The following LCMT1 variants were observed in gnomAD, a reference collection of about 807,000 sequenced individuals.
The protein encoded by LCMT1 is [Phosphatase 2A protein]-leucine-carboxy methyltransferase 1.
LCMT1 carries 32 observed loss-of-function variants against 47.7 expected under a neutral mutation model. That is an observed-to-expected ratio of 0.67 (90% CI 0.51 to 0.90). The LOEUF (loss-of-function observed/expected upper bound fraction) is 0.90, where lower values mean the gene tolerates loss of function less well. LCMT1 is among the 40% of genes least tolerant of loss of function. The pLI, the probability that LCMT1 is intolerant of heterozygous loss-of-function variation, is 0.00. For missense variants in LCMT1, 375 were observed against 415.2 expected (o/e 0.90, Z 0.84); for synonymous variants, 152 against 149.7 (o/e 1.02, Z -0.11).
At chr16:25,167,182 C>G (rs1961613717) in intron 7 of LCMT1, among the ~76,000 whole-genome samples, 1 of 152,182 alleles carries the variant, frequency 6.6e-6, no homozygotes, top group Non-Finnish European at 1.5e-5. Flanking sequence ...CTGCTCCCAC[C>G]CACCACCCTC....
At chr16:25,144,688 C>CA (rs1960796031) in intron 4 of LCMT1, 1 of 152,178 alleles carries the variant, frequency 6.6e-6, no homozygotes, top group Non-Finnish European at 1.5e-5. Flanking sequence ...GGTGGGGAGT[C>CA]ATAGCTTCTG....
intron 3 of LCMT1, among the ~76,000 whole-genome samples, chr16:25,139,854 G>A (rs1413940496): frequency 6.6e-6 from 1 of 152,034 alleles, no homozygotes; most frequent in Non-Finnish European, 1.5e-5. Context: ...TTGAAAATAC[G>A]GAGTATATTC....
At chr16:25,128,154 A>T (rs1188570959) in intron 1 of LCMT1, among the ~76,000 whole-genome samples, 3 of 152,204 alleles carry the variant, frequency 2.0e-5, no homozygotes, top group African/African-American at 4.8e-5. Context: ...GAGTGAATAA[A>T]TGGCTGCACA....
At position 25,132,515 on chromosome 16, in the gene LCMT1, A is replaced by G; in HGVS notation, c.319A>G (p.Arg107Gly). 6.2e-7 allele frequency: 1 copy of G among 1,613,616 alleles called. No individual in the cohort carries two copies. Among genetic ancestry groups the G allele is most frequent in the Non-Finnish European group, 8.5e-7 (1 of 1,179,710 alleles). Residue 107 changes from arginine to glycine, a missense_variant, in exon 3 of 11, where the codon AGA becomes GGA. Arg to Gly is a moderately radical substitution (Grantham distance 125). Coordinates refer to ENST00000399069, the MANE Select transcript of LCMT1 (RefSeq NM_016309.3). Reference protein sequence around the residue: ...LGAGMDTTFWRLKDEDLLPSK... With the variant: ...LGAGMDTTFWGLKDEDLLPSK... ...GGCAGGCATGGATACCACCTTCTGG[A>G]GATTAAAGGTATGTTCAAATTCCCC...
intron 7 of LCMT1, among the ~76,000 whole-genome samples, chr16:25,165,053 G>T (rs1961545472): frequency 6.6e-6 from 1 of 152,152 alleles, no homozygotes; most frequent in Admixed American, 6.6e-5. Context: ...TCAGGGACAG[G>T]CAGGTGGGGT....
chr16:25,139,207 G>A (rs1597578004), intron 3 of LCMT1, among the ~76,000 whole-genome samples: 1 of 152,130 alleles, frequency 6.6e-6, no homozygotes, highest in South Asian at 2.1e-4. Flanking sequence ...ACGGGTGCCC[G>A]GCTTCTTCAC....
At chr16:25,126,588 C>A (rs1449757316) in intron 1 of LCMT1, among the ~76,000 whole-genome samples, 1 of 152,168 alleles carries the variant, frequency 6.6e-6, no homozygotes, top group African/African-American at 2.4e-5. Context: ...ACCACTGTAC[C>A]CCCAGTGCCT....
chr16:25,154,489 CTT>C (rs748304475), intron 5 of LCMT1, among the ~76,000 whole-genome samples: 1,792 of 123,636 alleles, frequency 0.014, 23 homozygotes, highest in African/African-American at 0.052. Context: ...TGGATGTGTT[CTT>C]TTTTTTTTTT....
chr16:25,160,595 A>G (rs901329076), intron 5 of LCMT1, among the ~76,000 whole-genome samples: 1 of 152,254 alleles, frequency 6.6e-6, no homozygotes, highest in African/African-American at 2.4e-5. Context: ...ATAACTGGAC[A>G]GATGCTTCAT....
intron 1 of LCMT1, among the ~76,000 whole-genome samples, chr16:25,125,386 A>G (rs973265947): frequency 1.3e-5 from 2 of 152,242 alleles, no homozygotes; most frequent in Non-Finnish European, 2.9e-5. Flanking sequence ...ATTAAATCCT[A>G]GAAATGGGAT....
intron 9 of LCMT1, among the ~76,000 whole-genome samples, chr16:25,172,854 C>T (rs1349962270): frequency 1.3e-5 from 2 of 152,194 alleles, no homozygotes; most frequent in Non-Finnish European, 2.9e-5. Context: ...TGATCTGGCC[C>T]CTGAAATGGG....
chr16:25,173,738 T>C (rs1339546248), intron 9 of LCMT1, among the ~76,000 whole-genome samples: 1 of 151,352 alleles, frequency 6.6e-6, no homozygotes, highest in Admixed American at 6.6e-5. Flanking sequence ...AGAGATGGAG[T>C]CTTGCTATGT....
In LCMT1 at chr16:25,111,792, G is replaced by A; in HGVS notation, c.-92G>A. ...AGGTAGGGCCCTACCCTCTTCTGTT[G>A]CTTTCTCCCTGTGGCTCGCGCCGTC... On this transcript the variant is annotated 5_prime_UTR_variant, in exon 1 of 11. Coordinates refer to ENST00000399069, the MANE Select transcript of LCMT1 (RefSeq NM_016309.3). The A allele has an allele frequency of 1.2e-6, 1 of 861,450 alleles. No homozygotes were observed. Among genetic ancestry groups the A allele is most frequent in the Non-Finnish European group, 1.9e-6 (1 of 522,380 alleles). The allele number at this position is 861,450 out of a possible 1,614,324, so 53.4% of individuals were successfully genotyped here. A position where few individuals can be genotyped will look rare whatever the true frequency, so the allele number is the denominator to read the frequency against.
intron 7 of LCMT1, among the ~76,000 whole-genome samples, chr16:25,167,569 C>T (rs942845829): frequency 6.6e-5 from 10 of 151,938 alleles, no homozygotes; most frequent in Non-Finnish European, 1.2e-4. Flanking sequence ...ACCCCAGTCT[C>T]CCAAAGCCCT....
Position 25,170,792 on chromosome 16 carries a change from G to A in LCMT1, c.871G>A (p.Ala291Thr). The A allele has an allele frequency of 6.2e-7, 1 of 1,611,272 alleles. No homozygotes were observed. The highest frequency in any genetic ancestry group is 8.5e-7 in the Non-Finnish European group (1 of 1,177,970). Reference protein sequence around the residue: ...MMELYNRLPRAEVSRIESLEF... With the variant: ...MMELYNRLPRTEVSRIESLEF... ...GGAGTTGTACAACAGGTTACCTCGA[G>A]CTGAAGTGAGCAGGTATGGGGTTGG... Residue 291 changes from alanine to threonine, a missense_variant, in exon 9 of 11, where the codon GCT becomes ACT. By Grantham distance (58) the Ala-to-Thr change is moderately conservative. Coordinates refer to ENST00000399069, the MANE Select transcript of LCMT1 (RefSeq NM_016309.3).
chr16:25,152,916 C>T (rs2141684517), intron 5 of LCMT1, among the ~76,000 whole-genome samples: 1 of 152,276 alleles, frequency 6.6e-6, no homozygotes, highest in South Asian at 2.1e-4. Context: ...CCACAGTCTT[C>T]CTTTGTTTTC....
At chr16:25,171,235 T>A (rs551780669) in intron 9 of LCMT1, among the ~76,000 whole-genome samples, 66 of 151,854 alleles carry the variant, frequency 4.3e-4, no homozygotes, top group Non-Finnish European at 7.4e-4. Context: ...GCAAAACTCT[T>A]GTCTCCAAAA....
chr16:25,112,217 A>G (rs574467694), intron 1 of LCMT1, among the ~76,000 whole-genome samples: 1 of 152,334 alleles, frequency 6.6e-6, no homozygotes, highest in East Asian at 1.9e-4. Flanking sequence ...CAGCCTGGGT[A>G]TCGTCGATGG....
At chr16:25,157,756 C>T (rs1045373598) in intron 5 of LCMT1, among the ~76,000 whole-genome samples, 11 of 152,220 alleles carry the variant, frequency 7.2e-5, no homozygotes, top group Non-Finnish European at 1.3e-4. Context: ...CTCATTCCAG[C>T]ACCTGCCTGG....
Sources: allele counts gnomAD v4.1 joint callset (sites outside exome capture counted in the v4.1 genomes callset), GRCh38; gene constraint gnomAD v4.1.1; transcripts MANE v1.5; gene names NCBI Gene and HGNC (gene_info 2026-07-23, HGNC 2026-07-21).